The following RUNX1T1 variants were observed in gnomAD, a reference collection of about 807,000 sequenced individuals.
RUNX1T1 encodes protein CBFA2T1.
A neutral mutation model predicts 62.8 loss-of-function variants in RUNX1T1; 4 were observed. The ratio of observed to expected loss-of-function variants is 0.06; its 90% confidence interval spans 0.03 to 0.15. The LOEUF (loss-of-function observed/expected upper bound fraction) is 0.15, where lower values mean the gene tolerates loss of function less well. Among genes scored for constraint, RUNX1T1 ranks in the 10% least tolerant of loss-of-function variants. The probability of loss-of-function intolerance (pLI) is 1.00; values close to 1 mark genes in which losing one functional copy is unlikely to be tolerated. For missense variants in RUNX1T1, 508 were observed against 754.3 expected (o/e 0.67, Z 3.82); for synonymous variants, 291 against 286.0 (o/e 1.02, Z -0.18).
intron 1 of RUNX1T1, among the ~76,000 whole-genome samples, chr8:92,046,971 T>C (rs1451699692): frequency 6.6e-6 from 1 of 152,206 alleles, no homozygotes; most frequent in Non-Finnish European, 1.5e-5. Context: ...AATGATATGA[T>C]GTTTAAGCAT....
chr8:91,964,690 T>G (rs1488881161), intron 10 of RUNX1T1, among the ~76,000 whole-genome samples: 1 of 152,314 alleles, frequency 6.6e-6, no homozygotes, highest in South Asian at 2.1e-4. Context: ...AAAAATATTC[T>G]TTCTAAAATG....
At chr8:92,072,877 T>C (rs955985442) in intron 2 of RUNX1T1, among the ~76,000 whole-genome samples, 1 of 152,194 alleles carries the variant, frequency 6.6e-6, no homozygotes, top group Non-Finnish European at 1.5e-5. Flanking sequence ...GTGCACAGCA[T>C]CATCTATATC....
chr8:91,989,918 T>G (rs1047018387), intron 6 of RUNX1T1, among the ~76,000 whole-genome samples: 1 of 152,196 alleles, frequency 6.6e-6, no homozygotes, highest in Admixed American at 6.5e-5. Flanking sequence ...ATTATATGCA[T>G]AGCCATTTGT....
At chr8:92,007,466 T>C (rs144651575) in intron 4 of RUNX1T1, among the ~76,000 whole-genome samples, 2 of 149,434 alleles carry the variant, frequency 1.3e-5, no homozygotes, top group East Asian at 2.0e-4. Context: ...CTCAGTCTAA[T>C]TAAAAAAAAA....
At chr8:91,991,683 C>G (rs866302796) in exon 6 of RUNX1T1, 1 of 1,613,950 alleles carries the variant, frequency 6.2e-7, no homozygotes, top group Non-Finnish European at 8.5e-7. Context: ...GCTGGGGTGT[C>G]GATAGGAGTC....
At chr8:92,048,668 G>T (rs10089969) in intron 1 of RUNX1T1, among the ~76,000 whole-genome samples, 33,765 of 151,778 alleles carry the variant, frequency 0.22, 3,898 homozygotes, top group Middle Eastern at 0.27. Flanking sequence ...TGAGATGATG[G>T]TCATTTTACT....
intron 10 of RUNX1T1, among the ~76,000 whole-genome samples, chr8:91,964,115 T>C (rs1438353216): frequency 6.6e-6 from 1 of 152,232 alleles, no homozygotes; most frequent in Admixed American, 6.5e-5. Context: ...ATATACTAAA[T>C]ACAAGGCTAT....
exon 1 of RUNX1T1, chr8:92,062,604 C>T (rs767968622): frequency 1.1e-5 from 18 of 1,613,936 alleles, no homozygotes; most frequent in South Asian, 1.1e-4. Context: ...AAAGCAAGCG[C>T]GTTCCGGGCT....
In RUNX1T1 at chr8:92,043,991, A is replaced by G. The variant is rs558072552; in HGVS notation, c.7+18555T>C. Among the ~76,000 whole-genome samples the G allele has an allele frequency of 7.2e-5, 11 of 152,146 alleles. No homozygotes were observed. In the South Asian group the frequency reaches 1.2e-3, roughly 17 times the overall value. The stretch of plus-strand genomic sequence containing the variant: ...GAAACTCCGTCTCAAAAAAAAAAAA[A>G]AAAAAACCTTAAGCTGAATTTATGC... On this transcript the variant is annotated intron_variant, in intron 1 of 10. Coordinates refer to ENST00000396218, the Ensembl canonical transcript of RUNX1T1.
At chr8:91,972,801 G>A (rs1425257694) in intron 9 of RUNX1T1, among the ~76,000 whole-genome samples, 2 of 152,164 alleles carry the variant, frequency 1.3e-5, no homozygotes, top group African/African-American at 2.4e-5. Flanking sequence ...TTTGCAAGGT[G>A]CTTGAATATT....
chr8:92,044,873 T>C (rs1587277941), intron 1 of RUNX1T1, among the ~76,000 whole-genome samples: 1 of 152,264 alleles, frequency 6.6e-6, no homozygotes, highest in South Asian at 2.1e-4. Context: ...CCATGTTGAT[T>C]CAAGCAAGGA....
intron 1 of RUNX1T1, among the ~76,000 whole-genome samples, chr8:92,050,400 A>C (rs924432074): frequency 1.3e-5 from 2 of 152,190 alleles, no homozygotes. Flanking sequence ...CCTTGAAACT[A>C]TCCCAAAAGT....
At chr8:92,085,377 T>C (rs1044855343) in intron 1 of RUNX1T1, among the ~76,000 whole-genome samples, 4 of 152,256 alleles carry the variant, frequency 2.6e-5, no homozygotes, top group South Asian at 4.1e-4. Flanking sequence ...GATTCTTGTA[T>C]ATACTTGCAC....
chr8:91,956,044 C>A (rs1809325906), downstream of RUNX1T1: 4 of 230,288 alleles, frequency 1.7e-5, no homozygotes. Flanking sequence ...GTCAGCTGAT[C>A]TGCCATTCGG....
At chr8:92,038,877 T>G (rs1827899346) in intron 1 of RUNX1T1, among the ~76,000 whole-genome samples, 1 of 152,104 alleles carries the variant, frequency 6.6e-6, no homozygotes, top group African/African-American at 2.4e-5. Context: ...ACTCTCTCTC[T>G]TATCTTCAAC....
intron 6 of RUNX1T1, among the ~76,000 whole-genome samples, chr8:91,991,389 T>C (rs1293882625): frequency 6.6e-6 from 1 of 152,190 alleles, no homozygotes; most frequent in Non-Finnish European, 1.5e-5. Context: ...TGTATTAATC[T>C]AGATGCCCTC....
At chr8:91,984,498 G>C (rs544850265) in intron 8 of RUNX1T1, among the ~76,000 whole-genome samples, 1 of 152,262 alleles carries the variant, frequency 6.6e-6, no homozygotes, top group East Asian at 1.9e-4. Flanking sequence ...GGCCCTCAAA[G>C]AAAGAAATGA....
chr8:92,032,488 G>A (rs1311800196), intron 1 of RUNX1T1, among the ~76,000 whole-genome samples: 1 of 152,070 alleles, frequency 6.6e-6, no homozygotes, highest in Non-Finnish European at 1.5e-5. Flanking sequence ...ACCAATAATG[G>A]CACTTACTAA....
intron 1 of RUNX1T1, among the ~76,000 whole-genome samples, chr8:92,040,681 T>C (rs899723938): frequency 6.6e-6 from 1 of 152,164 alleles, no homozygotes; most frequent in Admixed American, 6.5e-5. Context: ...CATCTTATTG[T>C]AAAAATCTTT....
Sources: allele counts gnomAD v4.1 joint callset (sites outside exome capture counted in the v4.1 genomes callset), GRCh38; gene constraint gnomAD v4.1.1; transcripts MANE v1.5; gene names NCBI Gene and HGNC (gene_info 2026-07-23, HGNC 2026-07-21).